The following KANSL1 variants were observed in gnomAD, a reference collection of about 807,000 sequenced individuals.
The protein encoded by KANSL1 is MLL1/MLL complex subunit KANSL1.
In KANSL1, 22 loss-of-function variants were observed where a neutral mutation model predicts 103.6. The observed-to-expected ratio is 0.21, with a 90% CI of 0.15 to 0.30. The LOEUF (loss-of-function observed/expected upper bound fraction) is 0.30. KANSL1 is among the 10% of genes least tolerant of loss of function. The pLI, the probability that KANSL1 is intolerant of heterozygous loss-of-function variation, is 1.00. For synonymous variants in KANSL1, 600 were observed against 527.6 expected (o/e 1.14, Z -1.88); for missense variants, 1,337 against 1,399.8 (o/e 0.96, Z 0.72).
rs2078426076 is a variant in KANSL1 at position 46,067,569 on chromosome 17, A to G, written c.1632T>C (p.Pro544=). The G allele has an allele frequency of 6.3e-7, 1 of 1,595,530 alleles. No homozygotes were observed. Among genetic ancestry groups the G allele is most frequent in the Non-Finnish European group, 8.6e-7 (1 of 1,163,002 alleles). ...LSTKSCGALR[P]VNGVINTLQP... is the part of the protein sequence containing the mutation. ...CTTACGTGTTAATAACTCCATTGACAGGTCTGAGTGCTCCACATGATTTGG... is the reference window on the plus strand; with the variant it reads ...CTTACGTGTTAATAACTCCATTGACGGGTCTGAGTGCTCCACATGATTTGG... The change falls in exon 5 of 15, where the codon CCT becomes CCC. Residue 544 remains proline (P), a synonymous_variant. Transcript: ENST00000432791.
intron 6 of KANSL1, among the ~76,000 whole-genome samples, chr17:46,053,313 A>C (rs1351996745): frequency 6.6e-6 from 1 of 152,134 alleles, no homozygotes; most frequent in Non-Finnish European, 1.5e-5. Context: ...AAAAAAATAA[A>C]ATAAAGGGTA....
At chr17:46,114,823 A>T (rs1397830725) in intron 2 of KANSL1, among the ~76,000 whole-genome samples, 1 of 152,246 alleles carries the variant, frequency 6.6e-6, no homozygotes, top group East Asian at 1.9e-4. Context: ...TTTATCAGAC[A>T]AGTGTATAAC....
chr17:46,074,859 T>C (rs2078703897), intron 4 of KANSL1, among the ~76,000 whole-genome samples: 1 of 152,104 alleles, frequency 6.6e-6, no homozygotes, highest in South Asian at 2.1e-4. Flanking sequence ...AGGAGAAAGC[T>C]GTCAGGCACC....
intron 1 of KANSL1, among the ~76,000 whole-genome samples, chr17:46,185,603 A>G (rs1475623572): frequency 2.0e-5 from 3 of 152,122 alleles, no homozygotes; most frequent in Admixed American, 6.5e-5. Flanking sequence ...GAATACAAAA[A>G]AAAAACCCTA....
intron 2 of KANSL1, among the ~76,000 whole-genome samples, chr17:46,151,215 G>C (rs1435544527): frequency 6.6e-6 from 1 of 152,216 alleles, no homozygotes; most frequent in East Asian, 1.9e-4. Context: ...CAGGGCTCCT[G>C]ATCTCACCTT....
rs181617660 is a variant in KANSL1, at chr17:46,095,371, T to C, written c.1290-670A>G. Among the ~76,000 whole-genome samples the C allele has an allele frequency of 1.1e-4, 17 of 152,256 alleles. No homozygotes were observed. In the East Asian group the frequency reaches 2.3e-3, roughly 21 times the overall value. On this transcript the variant is annotated intron_variant, in intron 2 of 14. Coordinates refer to ENST00000432791, the MANE Select transcript of KANSL1 (RefSeq NM_015443.4). The stretch of plus-strand genomic sequence containing the variant: ...GAATAAAGGACCAACAGCAAGAAAT[T>C]TGCAAGAAGGCATGATGCAAATACA...
intron 2 of KANSL1, among the ~76,000 whole-genome samples, chr17:46,112,911 G>A (rs2042884028): frequency 6.6e-6 from 1 of 152,054 alleles, no homozygotes; most frequent in East Asian, 2.0e-4. Flanking sequence ...GGTAGAGACA[G>A]GGTTTCTCCA....
At chr17:46,177,061 T>A (rs2046555447) in intron 1 of KANSL1, among the ~76,000 whole-genome samples, 1 of 152,040 alleles carries the variant, frequency 6.6e-6, no homozygotes, top group African/African-American at 2.4e-5. Context: ...TATTCATAAG[T>A]AAGAGGAGCA....
chr17:46,055,390 A>C (rs1171400847), intron 6 of KANSL1, among the ~76,000 whole-genome samples: 4 of 151,512 alleles, frequency 2.6e-5, no homozygotes, highest in Non-Finnish European at 5.9e-5. Flanking sequence ...GCTTGAACCC[A>C]GGAGGCAGAC....
chr17:46,064,055 A>T (rs1216393353), intron 6 of KANSL1, among the ~76,000 whole-genome samples: 1 of 83,018 alleles, frequency 1.2e-5, no homozygotes, highest in East Asian at 2.4e-4. Context: ...ACTATTAGTA[A>T]AAAAAAAAAA....
intron 8 of KANSL1, 77 bp downstream of exon 8, chr17:46,039,625 A>T: frequency 6.7e-7 from 1 of 1,499,806 alleles, no homozygotes; most frequent in Non-Finnish European, 9.0e-7. Context: ...CATGCATGCA[A>T]ACTACAAATT....
chr17:46,066,848 T>C lies in KANSL1; in HGVS notation c.1653-116A>G, dbSNP rs2301732. ...TACTAGTTCAACCTCTATTTGCTAA[T>C]GTTCAGACACAAAGAAGCATTCTAG... On this transcript the variant is annotated intron_variant, in intron 5 of 14. Coordinates refer to ENST00000432791, the MANE Select transcript of KANSL1 (RefSeq NM_015443.4). 37,563 of 712,794 alleles carry C rather than the reference T, an allele frequency of 0.053. 5,548 individuals carry two copies. Among genetic ancestry groups the C allele is most frequent in the East Asian group, 0.46 (17,115 of 36,954 alleles). The allele number at this position is 712,794 out of a possible 1,614,324, so 44.2% of individuals were successfully genotyped here. A position where few individuals can be genotyped will look rare whatever the true frequency, so the allele number is the denominator to read the frequency against.
At chr17:46,056,571 G>C (rs530116083) in intron 6 of KANSL1, among the ~76,000 whole-genome samples, 1 of 152,058 alleles carries the variant, frequency 6.6e-6, no homozygotes, top group Non-Finnish European at 1.5e-5. Context: ...TTGTAAAACC[G>C]TAAGTATAGC....
intron 2 of KANSL1, among the ~76,000 whole-genome samples, chr17:46,139,328 A>C (rs2147348913): frequency 6.6e-6 from 1 of 152,226 alleles, no homozygotes; most frequent in Non-Finnish European, 1.5e-5. Context: ...AATGACTAAC[A>C]TGCTTTAAAT....
rs1057520684 is a variant in KANSL1 at position 46,171,624 on chromosome 17, T to C, written c.520A>G (p.Thr174Ala). Residue 174 changes from threonine (T) to alanine (A), a missense_variant, in exon 2 of 15, where the codon ACT becomes GCT. This residue lies in a region of KANSL1 where 557 missense variants were observed against 476.4 expected (regional missense o/e 1.17). Coordinates refer to ENST00000432791, the MANE Select transcript of KANSL1 (RefSeq NM_015443.4). Reference protein sequence around the residue: ...SSTHSDHDNSTSLNGGKRALT... With the variant: ...SSTHSDHDNSASLNGGKRALT... The stretch of plus-strand genomic sequence containing the variant: ...GCCCGTTTTCCCCCATTGAGGGAAG[T>C]GGAATTGTCATGATCAGAATGTGTT... 1.3e-5 allele frequency: 20 copies of C among 1,573,514 alleles called. No homozygotes were observed. Among genetic ancestry groups the C allele is most frequent in the South Asian group, 1.1e-4 (9 of 85,256 alleles).
At chr17:46,078,439 G>C (rs553243754) in intron 4 of KANSL1, among the ~76,000 whole-genome samples, 1 of 152,256 alleles carries the variant, frequency 6.6e-6, no homozygotes, top group Non-Finnish European at 1.5e-5. Context: ...GATCTGAAAG[G>C]GGCTCAAATA....
intron 2 of KANSL1, among the ~76,000 whole-genome samples, chr17:46,166,470 C>T (rs951428183): frequency 3.3e-5 from 5 of 151,944 alleles, no homozygotes; most frequent in Non-Finnish European, 7.4e-5. Flanking sequence ...CAAGATCGCG[C>T]CACTGCACTC....
intron 2 of KANSL1, among the ~76,000 whole-genome samples, chr17:46,157,962 A>G (rs967359841): frequency 1.3e-5 from 2 of 152,270 alleles, no homozygotes; most frequent in African/African-American, 4.8e-5. Context: ...TTGGAAATCT[A>G]GAGAAAGAAT....
chr17:46,079,117 C>T (rs968318751), intron 4 of KANSL1, among the ~76,000 whole-genome samples: 1 of 152,204 alleles, frequency 6.6e-6, no homozygotes, highest in Non-Finnish European at 1.5e-5. Flanking sequence ...AAAAACAGTA[C>T]CCACTTCCCT....
Sources: allele counts gnomAD v4.1 joint callset (sites outside exome capture counted in the v4.1 genomes callset), GRCh38; gene constraint gnomAD v4.1.1; regional missense constraint gnomAD v4.1.1; transcripts MANE v1.5; gene names NCBI Gene and HGNC (gene_info 2026-07-23, HGNC 2026-07-21).